The following CACNB4 variants were observed in gnomAD, a reference collection of about 807,000 sequenced individuals.
CACNB4 encodes the protein calcium voltage-gated channel auxiliary subunit beta 4.
CACNB4 carries 32 observed loss-of-function variants against 71.2 expected under a neutral mutation model. That is an observed-to-expected ratio of 0.45 (90% confidence interval 0.34 to 0.60). CACNB4 has a LOEUF of 0.60. Among genes scored for constraint, CACNB4 ranks in the 20% least tolerant of loss-of-function variants. The pLI is 0.01. For missense variants in CACNB4, 464 were observed against 647.9 expected (o/e 0.72, Z 3.08); for synonymous variants, 231 against 236.9 (o/e 0.97, Z 0.23).
chr2:151,935,662 AACTC>A (rs373273750), intron 2 of CACNB4, among the ~76,000 whole-genome samples: 88 of 152,370 alleles, frequency 5.8e-4, no homozygotes, highest in African/African-American at 1.9e-3. Context: ...GCAGATGCTG[AACTC>A]ACTCAAGAAA....
intron 2 of CACNB4, among the ~76,000 whole-genome samples, chr2:152,015,790 G>A (rs1683309560): frequency 6.6e-6 from 1 of 152,152 alleles, no homozygotes; most frequent in African/African-American, 2.4e-5. Context: ...ATAAACTCTG[G>A]TTGTCATAAG....
At chr2:152,016,915 C>T (rs1390827323) in intron 2 of CACNB4, among the ~76,000 whole-genome samples, 1 of 152,186 alleles carries the variant, frequency 6.6e-6, no homozygotes, top group Non-Finnish European at 1.5e-5. Flanking sequence ...TTATCATCTT[C>T]CTTTTATACA....
rs534101682 is a variant in CACNB4, at chr2:152,072,477, CTAGT to C, written c.147+25849_147+25852del. Among the ~76,000 whole-genome samples the C allele has an allele frequency of 3.9e-3, 593 of 152,282 alleles. 3 individuals carry two copies. The highest frequency in any genetic ancestry group is 7.3e-3 in the Non-Finnish European group (496 of 68,028). ...TTACTTTTCCTAAACAACAAAATTC[CTAGT>C]TAAAGAGCATTCATGCCTCAAGATA... On this transcript the variant is annotated intron_variant, in intron 2 of 13. Transcript: ENST00000539935.
intron 2 of CACNB4, among the ~76,000 whole-genome samples, chr2:151,917,766 G>A (rs1488745107): frequency 1.3e-5 from 2 of 150,992 alleles, no homozygotes; most frequent in Non-Finnish European, 2.9e-5. Flanking sequence ...AACCCAGGAG[G>A]TGGAAGTGCA....
intron 2 of CACNB4, among the ~76,000 whole-genome samples, chr2:151,887,176 T>C (rs2099849571): frequency 6.6e-6 from 1 of 152,234 alleles, no homozygotes. Flanking sequence ...TGAAAAGACC[T>C]GATGGAAGCC....
At chr2:151,952,363 A>C (rs1197617598) in intron 2 of CACNB4, among the ~76,000 whole-genome samples, 3 of 152,176 alleles carry the variant, frequency 2.0e-5, no homozygotes, top group African/African-American at 7.2e-5. Flanking sequence ...TGCAAAATAC[A>C]GACTACTCTT....
intron 2 of CACNB4, among the ~76,000 whole-genome samples, chr2:152,086,773 T>C (rs1687682505): frequency 6.6e-6 from 1 of 152,190 alleles, no homozygotes; most frequent in African/African-American, 2.4e-5. Context: ...CCCCCCTCTA[T>C]AGATGGGAGC....
In CACNB4 at chr2:151,961,154, G is replaced by A. The variant is rs1055637979; in HGVS notation, c.148-77784C>T. On this transcript the variant is annotated intron_variant, in intron 2 of 13. Transcript: ENST00000539935. ...TAAAAATCTCACATTGCTAATCCCTGTTCCCACCACTCCTCTCACTATTAT... is the reference window on the plus strand; with the variant it reads ...TAAAAATCTCACATTGCTAATCCCTATTCCCACCACTCCTCTCACTATTAT... 5.3e-5 allele frequency among the ~76,000 whole-genome samples: 8 copies of A among 152,264 alleles called. No individual in the cohort carries two copies. In the East Asian group the frequency reaches 1.2e-3, roughly 22 times the overall value.
rs371852217 is a variant in CACNB4, at chr2:151,981,716, A to G, written c.148-98346T>C. Among the ~76,000 whole-genome samples, 64 of 152,326 alleles carry G rather than the reference A, an allele frequency of 4.2e-4. 1 individual carries two copies. The South Asian group carries it at 0.012, about 30-fold the overall frequency. Reference sequence around the variant, plus strand: ...TGTTGATATACCCCTCTTTTGATGCAGTGCCTATTACAACTTAAAAATAGT... The same window carrying G: ...TGTTGATATACCCCTCTTTTGATGCGGTGCCTATTACAACTTAAAAATAGT... On this transcript the variant is annotated intron_variant, in intron 2 of 13. Transcript: ENST00000539935.
chr2:152,035,555 GTCTCTCTCTCTCTT>G (rs1479354779), intron 2 of CACNB4, among the ~76,000 whole-genome samples: 2 of 136,898 alleles, frequency 1.5e-5, no homozygotes, highest in South Asian at 2.3e-4. Flanking sequence ...GCGAAACTCC[GTCTCTCTCTCTCTT>G]TCTCTCTCTC....
intron 2 of CACNB4, among the ~76,000 whole-genome samples, chr2:151,951,015 C>A (rs1374440371): frequency 6.6e-6 from 1 of 152,102 alleles, no homozygotes; most frequent in East Asian, 1.9e-4. Context: ...CACAATTTCA[C>A]CTCCCTGCAG....
At chr2:152,082,436 C>A (rs541657571) in intron 2 of CACNB4, among the ~76,000 whole-genome samples, 1 of 152,324 alleles carries the variant, frequency 6.6e-6, no homozygotes, top group East Asian at 1.9e-4. Context: ...GGAATTGGAT[C>A]CAGGACCCTC....
chr2:151,998,944 C>T (rs1579099611), intron 2 of CACNB4, among the ~76,000 whole-genome samples: 1 of 152,184 alleles, frequency 6.6e-6, no homozygotes, highest in Non-Finnish European at 1.5e-5. Context: ...GCTTCACCCT[C>T]ACGAAGATGC....
intron 2 of CACNB4, among the ~76,000 whole-genome samples, chr2:152,010,346 C>T (rs1682986038): frequency 2.0e-5 from 3 of 152,174 alleles, no homozygotes; most frequent in African/African-American, 7.2e-5. Context: ...ACTTGCTACA[C>T]TGGCAGGATA....
intron 2 of CACNB4, among the ~76,000 whole-genome samples, chr2:151,993,761 C>T (rs1272890785): frequency 6.6e-6 from 1 of 151,614 alleles, no homozygotes; most frequent in Non-Finnish European, 1.5e-5. Context: ...GACGGGGTTT[C>T]ACCATGTTGG....
intron 2 of CACNB4, among the ~76,000 whole-genome samples, chr2:152,084,034 T>C (rs910449272): frequency 2.6e-5 from 4 of 152,186 alleles, no homozygotes; most frequent in African/African-American, 7.2e-5. Context: ...ACTGTGAGTA[T>C]GGCGTAACTG....
At chr2:151,895,698 A>G (rs2099851883) in intron 2 of CACNB4, among the ~76,000 whole-genome samples, 5 of 152,084 alleles carry the variant, frequency 3.3e-5, no homozygotes. Flanking sequence ...TATACAGCTT[A>G]AGATTACCTG....
intron 2 of CACNB4, among the ~76,000 whole-genome samples, chr2:152,090,028 G>A (rs1016662098): frequency 4.6e-5 from 7 of 152,206 alleles, no homozygotes; most frequent in African/African-American, 1.7e-4. Context: ...GTTGCAAGCT[G>A]TTCACCCTGG....
intron 2 of CACNB4, among the ~76,000 whole-genome samples, chr2:152,048,272 C>T (rs1685239089): frequency 6.6e-6 from 1 of 152,114 alleles, no homozygotes; most frequent in Admixed American, 6.5e-5. Flanking sequence ...GGCAAAATCA[C>T]CCCAGCTGAG....
Sources: gnomAD v4.1 joint callset for allele counts (sites outside exome capture counted in the v4.1 genomes callset) on GRCh38, gnomAD v4.1.1 for gene constraint, MANE v1.5 for transcripts, NCBI Gene and HGNC (gene_info 2026-07-23, HGNC 2026-07-21) for gene names.